Variants in STK16 observed in about 807,000 individuals in gnomAD.
The protein encoded by STK16 is serine/threonine-protein kinase 16.
In STK16, 28 loss-of-function variants were observed where a neutral mutation model predicts 37.8. That is an observed-to-expected ratio of 0.74 (90% CI 0.55 to 1.02). The LOEUF is 1.02. Ranked by LOEUF, STK16 falls within the 50% of genes least tolerant of loss-of-function variation. The pLI is 0.00. For missense variants in STK16, 349 were observed against 390.6 expected (o/e 0.89, Z 0.90); for synonymous variants, 134 against 155.0 (o/e 0.86, Z 1.01).
In STK16 at chr2:219,246,909, C is replaced by T; in HGVS notation, c.306+33C>T. 6.3e-7 allele frequency: 1 copy of T among 1,579,564 alleles called. No individual in the cohort carries two copies. The highest frequency in any genetic ancestry group is 8.6e-7 in the Non-Finnish European group (1 of 1,157,940). On this transcript the variant is annotated intron_variant, in intron 3 of 7. Coordinates refer to ENST00000396738, the MANE Select transcript of STK16 (RefSeq NM_001330213.2). The surrounding 1 kb of genome is among the most constrained non-coding windows in gnomAD (Gnocchi z 4.5). ...AGACTCCTGGTTATGGAGGGGGTTG[C>T]AGCAGAGCCACCTACTCAAGGGCTG...
In STK16 at chr2:219,248,028, C is replaced by T. The variant is rs541987843; in HGVS notation, c.658-165C>T. ...CAGGGGCTAAGCTAAACAGGGGCTG[C>T]GGAGGCCTCCAGCTGACTGGCAGTT... On this transcript the variant is annotated intron_variant, in intron 6 of 7. Coordinates refer to ENST00000396738, the MANE Select transcript of STK16 (RefSeq NM_001330213.2). 272 of 1,060,180 alleles carry T rather than the reference C, an allele frequency of 2.6e-4. 4 individuals are homozygous for T. In the Admixed American group the frequency reaches 4.0e-3, roughly 16 times the overall value. The allele number at this position is 1,060,180 out of a possible 1,614,324, so 65.7% of individuals were successfully genotyped here.
rs1175404643 is a variant in STK16 at position 219,246,090 on chromosome 2, G to C, written c.86+5G>C. ...CATCCAGAAACTGGGGGAGGGGTGAGTGTTTGGAAGTCAGTTAACTAGTCC... is the reference window on the plus strand; with the variant it reads ...CATCCAGAAACTGGGGGAGGGGTGACTGTTTGGAAGTCAGTTAACTAGTCC... On this transcript the variant is annotated splice_donor_5th_base_variant and intron_variant, in intron 2 of 7. Coordinates refer to ENST00000396738, the MANE Select transcript of STK16 (RefSeq NM_001330213.2). This position sits in a 1 kb window ranked among gnomAD's most constrained non-coding sequence, Gnocchi z 4.5. The C allele has an allele frequency of 6.2e-7, 1 of 1,613,114 alleles. No individual in the cohort carries two copies. The highest frequency in any genetic ancestry group is 8.5e-7 in the Non-Finnish European group (1 of 1,179,364).
rs773812987 is a variant in STK16 at position 219,248,409 on chromosome 2, CT to C, written c.780-11del. 6 of 1,613,318 alleles carry C rather than the reference CT, an allele frequency of 3.7e-6. No homozygotes were observed. The East Asian group carries it at 1.1e-4, about 30-fold the overall frequency. Reference sequence around the variant, plus strand: ...GGTGTCATCCGGTCACCCTGGGCTCCTCCCTCCACAGGCATTCTTCAGCATT... The same window carrying C: ...GGTGTCATCCGGTCACCCTGGGCTCCCCCTCCACAGGCATTCTTCAGCATT... On this transcript the variant is annotated splice_polypyrimidine_tract_variant and intron_variant, in intron 7 of 7. Transcript: ENST00000396738.
chr2:219,247,654 T>C lies in STK16; in HGVS notation c.562-8T>C, dbSNP rs767839774. 19 of 1,612,410 alleles carry C rather than the reference T, an allele frequency of 1.2e-5. No individual in the cohort carries two copies. Among genetic ancestry groups the C allele is most frequent in the Non-Finnish European group, 1.5e-5 (18 of 1,178,748 alleles). ...CCCCACTTTTGAGCTCTGGGATCAC[T>C]GTTCCAGGACTGGGCAGCCCAGCGG... On this transcript the variant is annotated splice_region_variant and splice_polypyrimidine_tract_variant and intron_variant, in intron 5 of 7. Transcript: ENST00000396738.
In STK16 at chr2:219,247,218, G is replaced by A; in HGVS notation, c.412G>A (p.Ala138Thr). The A allele has an allele frequency of 6.2e-7, 1 of 1,614,204 alleles. No homozygotes were observed. The highest frequency in any genetic ancestry group is 1.3e-5 in the African/African-American group (1 of 75,056). ...GCTGGGGATCTGCAGAGGCCTTGAG[G>A]CCATTCATGCCAAGGGTTATGCCCA... ...LLLGICRGLEAIHAKGYAHRD... is the reference protein window; with the variant it reads ...LLLGICRGLETIHAKGYAHRD... The change falls in exon 4 of 8, where the codon GCC (alanine) becomes ACC (threonine). Residue 138 changes from alanine (A) to threonine (T), a missense_variant. Coordinates refer to ENST00000396738, the MANE Select transcript of STK16 (RefSeq NM_001330213.2).
Position 219,246,636 on chromosome 2 carries a change from A to C in STK16, c.87-21A>C. On this transcript the variant is annotated intron_variant, in intron 2 of 7. Coordinates refer to ENST00000396738, the MANE Select transcript of STK16 (RefSeq NM_001330213.2). This position sits in a 1 kb window ranked among gnomAD's most constrained non-coding sequence, Gnocchi z 4.5. ...ATGTGGGAGATGACCATGGCCCTTT[A>C]TTGACCCCTTTGGCCCACAGTGGGT... The C allele has an allele frequency of 6.2e-7, 1 of 1,606,128 alleles. No homozygotes were observed. The highest frequency in any genetic ancestry group is 8.5e-7 in the Non-Finnish European group (1 of 1,172,874).
rs1951543889 is a variant in STK16, at chr2:219,246,819, C to T, written c.249C>T (p.Tyr83=). 1 of 1,614,164 alleles carries T rather than the reference C, an allele frequency of 6.2e-7. No homozygotes were observed. Among genetic ancestry groups the T allele is most frequent in the Non-Finnish European group, 8.5e-7 (1 of 1,180,016 alleles). Reference sequence around the variant, plus strand: ...CCAACATCCTTCGCCTCGTGGCTTACTGTCTGAGGGAACGGGGTGCTAAGC... The same window carrying T: ...CCAACATCCTTCGCCTCGTGGCTTATTGTCTGAGGGAACGGGGTGCTAAGC... ...NHPNILRLVA[Y]CLRERGAKHE... Residue 83 remains tyrosine, a synonymous_variant, in exon 3 of 8, where the codon TAC becomes TAT. Transcript: ENST00000396738. This position sits in a 1 kb window ranked among gnomAD's most constrained non-coding sequence, Gnocchi z 4.5.
Position 219,246,902 on chromosome 2 carries a change from G to A in STK16, c.306+26G>A. ...GTCAGAAAGACTCCTGGTTATGGAG[G>A]GGGTTGCAGCAGAGCCACCTACTCA... is the stretch of plus-strand genomic sequence containing the variant. On this transcript the variant is annotated intron_variant, in intron 3 of 7. Transcript: ENST00000396738. This position sits in a 1 kb window ranked among gnomAD's most constrained non-coding sequence, Gnocchi z 4.5. 1 of 1,589,606 alleles carries A rather than the reference G, an allele frequency of 6.3e-7. No homozygotes were observed. The highest frequency in any genetic ancestry group is 1.1e-5 in the South Asian group (1 of 87,996).
chr2:219,247,071 G>C lies in STK16; in HGVS notation c.307-42G>C, dbSNP rs377759026. On this transcript the variant is annotated intron_variant, in intron 3 of 7. Coordinates refer to ENST00000396738, the MANE Select transcript of STK16 (RefSeq NM_001330213.2). ...AAGGGATCAGGCCTAAGGAGCAGAG[G>C]CTCCAAAAACATCTCCAACTGTAGG... The C allele has an allele frequency of 4.3e-6, 7 of 1,613,080 alleles. No homozygotes were observed. In the East Asian group the frequency reaches 1.6e-4, roughly 36 times the overall value.
intron 6 of STK16, 30 bp downstream of exon 6, chr2:219,247,787 A>G (rs1559273103): frequency 3.2e-6 from 5 of 1,550,492 alleles, no homozygotes; most frequent in Non-Finnish European, 4.4e-6. Context: ...GTATCTGGGT[A>G]GGGAGGGCTG....
At position 219,245,575 on chromosome 2, in the gene STK16, G is replaced by A. The variant is rs1559270689; in HGVS notation, c.-326G>A. On this transcript the variant is annotated 5_prime_UTR_variant, in exon 1 of 8. Transcript: ENST00000396738. The stretch of plus-strand genomic sequence containing the variant: ...CCCGGGCTCTGGGCTCCTAGACCGG[G>A]GTGGGCCCTGCCAGGAGTGGGCCTG... 6.3e-6 allele frequency: 1 copy of A among 157,650 alleles called. No individual in the cohort carries two copies. Among genetic ancestry groups the A allele is most frequent in the Non-Finnish European group, 1.4e-5 (1 of 70,584 alleles). The allele number at this position is 157,650 out of a possible 1,614,324, so 9.8% of individuals were successfully genotyped here. A position where few individuals can be genotyped will look rare whatever the true frequency, so the allele number is the denominator to read the frequency against.
Position 219,246,504 on chromosome 2 carries a change from C to A in STK16, c.87-153C>A, listed in dbSNP as rs766820285. ...TATATCTCTGCTCCTGAGGAGCTCA[C>A]GGTGTAATATTCTTCAGATTTCTCT... On this transcript the variant is annotated intron_variant, in intron 2 of 7. Transcript: ENST00000396738. This position sits in a 1 kb window ranked among gnomAD's most constrained non-coding sequence, Gnocchi z 4.5. 1 of 706,696 alleles carries A rather than the reference C, an allele frequency of 1.4e-6. No individual in the cohort carries two copies. The highest frequency in any genetic ancestry group is 2.6e-6 in the Non-Finnish European group (1 of 379,094). The allele number at this position is 706,696 out of a possible 1,614,324, so 43.8% of individuals were successfully genotyped here. A position where few individuals can be genotyped will look rare whatever the true frequency, so the allele number is the denominator to read the frequency against.
intron 7 of STK16, 52 bp from the exon 8 acceptor site, chr2:219,248,369 C>T (rs1951583142): frequency 2.5e-6 from 4 of 1,612,946 alleles, no homozygotes; most frequent in Admixed American, 3.3e-5. Flanking sequence ...CTGGTATTAG[C>T]TGAGTTGACA....
rs188037939 is a variant in STK16 at position 219,250,126 on chromosome 2, A to G, written c.*1567A>G. 0.011 allele frequency: 6,898 copies of G among 647,030 alleles called. 63 individuals are homozygous for G. The highest frequency in any genetic ancestry group is 0.011 in the Non-Finnish European group (4,287 of 376,536). 40.1% of individuals were successfully genotyped at this position (647,030 alleles called of 1,614,324 possible). ...GAGTAACCCTAGGACTTCAATTTAAAGTCCCTGGGGTTATGCTTCCTGGGC... is the reference window on the plus strand; with the variant it reads ...GAGTAACCCTAGGACTTCAATTTAAGGTCCCTGGGGTTATGCTTCCTGGGC... On this transcript the variant is annotated 3_prime_UTR_variant, in exon 8 of 8. Transcript: ENST00000396738. The surrounding 1 kb of genome is among the most constrained non-coding windows in gnomAD (Gnocchi z 8.4).
Position 219,246,693 on chromosome 2 carries a change from T to G in STK16, c.123T>G (p.His41Gln). ...FSYVDLVEGL[H>Q]DGHFYALKRI... ...ATGTGGACCTAGTGGAAGGGTTACA[T>G]GATGGACACTTCTACGCCCTGAAGC... is the stretch of plus-strand genomic sequence containing the variant. The change falls in exon 3 of 8, where the codon CAT becomes CAG. Residue 41 changes from histidine (H) to glutamine (Q), a missense_variant. His to Gln is a conservative substitution (Grantham distance 24). Transcript: ENST00000396738. This position sits in a 1 kb window ranked among gnomAD's most constrained non-coding sequence, Gnocchi z 4.5. 1 of 1,614,226 alleles carries G rather than the reference T, an allele frequency of 6.2e-7. No individual in the cohort carries two copies. Among genetic ancestry groups the G allele is most frequent in the Non-Finnish European group, 8.5e-7 (1 of 1,180,036 alleles).
In STK16 at chr2:219,246,329, A is replaced by G. The variant is rs1230923109; in HGVS notation, c.86+244A>G. The G allele has an allele frequency of 3.3e-6, 2 of 601,532 alleles. No individual in the cohort carries two copies. The highest frequency in any genetic ancestry group is 6.0e-6 in the Non-Finnish European group (2 of 332,658). 37.3% of individuals were successfully genotyped at this position (601,532 alleles called of 1,614,324 possible). ...TGGAGATGATTATTATCCCTCACTGATGGAGTTGTGAGGATTAAATGAGAT... is the reference window on the plus strand; with the variant it reads ...TGGAGATGATTATTATCCCTCACTGGTGGAGTTGTGAGGATTAAATGAGAT... On this transcript the variant is annotated intron_variant, in intron 2 of 7. Coordinates refer to ENST00000396738, the MANE Select transcript of STK16 (RefSeq NM_001330213.2). The surrounding 1 kb of genome is among the most constrained non-coding windows in gnomAD (Gnocchi z 4.5).
chr2:219,246,118 A>G lies in STK16; in HGVS notation c.86+33A>G. 1 of 1,582,712 alleles carries G rather than the reference A, an allele frequency of 6.3e-7. No individual in the cohort carries two copies. The highest frequency in any genetic ancestry group is 8.7e-7 in the Non-Finnish European group (1 of 1,152,648). ...TTTGGAAGTCAGTTAACTAGTCCTC[A>G]AGTTTATGATCATTGAAGGACAGCG... On this transcript the variant is annotated intron_variant, in intron 2 of 7. Transcript: ENST00000396738. This position sits in a 1 kb window ranked among gnomAD's most constrained non-coding sequence, Gnocchi z 4.5.
rs1230783322 is a variant in STK16, at chr2:219,249,707, G to C, written c.*1148G>C. ...TGAGGCCAGAAAGAAATCACAAACA[G>C]AGGGGAGATGACCTGACTTTTAATG... On this transcript the variant is annotated 3_prime_UTR_variant, in exon 8 of 8. Transcript: ENST00000396738. 6.6e-6 allele frequency: 1 copy of C among 152,592 alleles called. No individual in the cohort carries two copies. The highest frequency in any genetic ancestry group is 6.5e-5 in the Admixed American group (1 of 15,292). 9.5% of individuals were successfully genotyped at this position (152,592 alleles called of 1,614,324 possible).
chr2:219,246,935 T>C lies in STK16; in HGVS notation c.306+59T>C. The C allele has an allele frequency of 6.5e-7, 1 of 1,549,502 alleles. No homozygotes were observed. Among genetic ancestry groups the C allele is most frequent in the Admixed American group, 1.8e-5 (1 of 55,898 alleles). ...AGCAGAGCCACCTACTCAAGGGCTG[T>C]GTGAGCAGTCCAGCATGTTAGGAAG... On this transcript the variant is annotated intron_variant, in intron 3 of 7. Transcript: ENST00000396738. This position sits in a 1 kb window ranked among gnomAD's most constrained non-coding sequence, Gnocchi z 4.5.
Sources: allele counts gnomAD v4.1 joint callset, GRCh38; gene constraint gnomAD v4.1.1; non-coding constraint Gnocchi (gnomAD v3.1); transcripts MANE v1.5; gene names NCBI Gene and HGNC (gene_info 2026-07-23, HGNC 2026-07-21).